Variants in JMY observed in about 807,000 individuals in gnomAD.
JMY encodes junction-mediating and -regulatory protein.
A neutral mutation model predicts 103.3 loss-of-function variants in JMY; 46 were observed. The observed-to-expected ratio is 0.45, with a 90% CI of 0.35 to 0.57. The LOEUF (loss-of-function observed/expected upper bound fraction) is 0.57. Among genes scored for constraint, JMY ranks in the 20% least tolerant of loss-of-function variants. The pLI is 0.00. For missense variants in JMY, 1,238 were observed against 1,255.2 expected, an observed-to-expected ratio of 0.99 and a Z score of 0.21; for synonymous variants, 526 against 489.3, an observed-to-expected ratio of 1.07 and a Z score of -0.99.
Position 79,293,893 on chromosome 5 carries a change from A to T in JMY, c.1527+2594A>T, listed in dbSNP as rs541907846. Among the ~76,000 whole-genome samples, 3 of 131,516 alleles carry T rather than the reference A, an allele frequency of 2.3e-5. No individual in the cohort carries two copies. The East Asian group carries it at 7.5e-4, about 33-fold the overall frequency. 86.3% of individuals were successfully genotyped at this position (131,516 alleles called of 152,430 possible). On this transcript the variant is annotated intron_variant, in intron 4 of 10. Coordinates refer to ENST00000396137, the MANE Select transcript of JMY (RefSeq NM_152405.5). ...AATAATAGCATAATCTGACCATGCAAGTAAGTCTTTATTTTCAGTTCTATA... is the reference window on the plus strand; with the variant it reads ...AATAATAGCATAATCTGACCATGCATGTAAGTCTTTATTTTCAGTTCTATA...
At position 79,236,793 on chromosome 5, in the gene JMY, A is replaced by C; in HGVS notation, c.143A>C (p.Asn48Thr). 1 of 1,509,718 alleles carries C rather than the reference A, an allele frequency of 6.6e-7. No homozygotes were observed. Among genetic ancestry groups the C allele is most frequent in the Non-Finnish European group, 8.9e-7 (1 of 1,127,492 alleles). 93.5% of individuals were successfully genotyped at this position (1,509,718 alleles called of 1,614,324 possible). The change falls in exon 1 of 11, where the codon AAC (asparagine) becomes ACC (threonine). Residue 48 changes from asparagine to threonine, a missense_variant. Coordinates refer to ENST00000396137, the MANE Select transcript of JMY (RefSeq NM_152405.5). ...IEGKFAITCHNRTAQRQRSGS... is the reference protein window; with the variant it reads ...IEGKFAITCHTRTAQRQRSGS... The stretch of plus-strand genomic sequence containing the variant: ...GGCAAGTTTGCCATAACCTGCCACA[A>C]CCGGACGGCCCAGAGGCAGAGGAGC...
intron 1 of JMY, among the ~76,000 whole-genome samples, chr5:79,267,471 G>C (rs1745618140): frequency 8.4e-6 from 1 of 119,108 alleles, no homozygotes. Context: ...ATGTTATGTA[G>C]TTGGAATCAT....
intron 10 of JMY, among the ~76,000 whole-genome samples, chr5:79,318,631 T>TA (rs1298650375): frequency 6.6e-6 from 1 of 152,152 alleles, no homozygotes; most frequent in Non-Finnish European, 1.5e-5. Context: ...TTTTTCCTAT[T>TA]ATGTATACAG....
intron 6 of JMY, among the ~76,000 whole-genome samples, chr5:79,302,083 C>CAAAA (rs33983370): frequency 4.9e-5 from 5 of 102,548 alleles, no homozygotes; most frequent in East Asian, 3.0e-4. Flanking sequence ...AACTCCGTCT[C>CAAAA]AAAAAAAAAA....
intron 6 of JMY, among the ~76,000 whole-genome samples, chr5:79,301,966 C>G (rs551320908): frequency 1.4e-4 from 22 of 151,842 alleles, no homozygotes; most frequent in Non-Finnish European, 2.6e-4. Flanking sequence ...GCCTGTAATC[C>G]CAGCTACTCG....
chr5:79,269,496 G>C (rs1015561265), intron 1 of JMY, among the ~76,000 whole-genome samples: 1 of 152,054 alleles, frequency 6.6e-6, no homozygotes, highest in Non-Finnish European at 1.5e-5. Flanking sequence ...TTTTGATTAG[G>C]ATTGCATTGA....
intron 4 of JMY, among the ~76,000 whole-genome samples, chr5:79,297,943 T>A (rs558357382): frequency 1.3e-5 from 2 of 152,336 alleles, no homozygotes; most frequent in East Asian, 3.9e-4. Flanking sequence ...CTGGTAGCAC[T>A]GCGCTTCTCA....
Position 79,236,615 on chromosome 5 carries a change from G to C in JMY, c.-36G>C, listed in dbSNP as rs1353926328. 3 of 1,349,424 alleles carry C rather than the reference G, an allele frequency of 2.2e-6. No homozygotes were observed. The highest frequency in any genetic ancestry group is 2.9e-6 in the Non-Finnish European group (3 of 1,037,978). 83.6% of individuals were successfully genotyped at this position (1,349,424 alleles called of 1,614,324 possible). A position where few individuals can be genotyped will look rare whatever the true frequency, so the allele number is the denominator to read the frequency against. On this transcript the variant is annotated 5_prime_UTR_variant, in exon 1 of 11. Transcript: ENST00000396137. Reference sequence around the variant, plus strand: ...GGGGAGTCCTCGGGCGGGCCGGGCCGGCGGCCCTTCCCCGCGGCGAGAAGC... The same window carrying C: ...GGGGAGTCCTCGGGCGGGCCGGGCCCGCGGCCCTTCCCCGCGGCGAGAAGC...
At chr5:79,291,367 G>A (rs1746420812) in intron 4 of JMY, 68 bp downstream of exon 4, 1 of 1,398,140 alleles carries the variant, frequency 7.2e-7, no homozygotes, top group Non-Finnish European at 9.6e-7. Context: ...CTTTGCACAA[G>A]ACATTTTTTT....
chr5:79,247,689 G>A (rs962302256), intron 1 of JMY, among the ~76,000 whole-genome samples: 6 of 151,526 alleles, frequency 4.0e-5, no homozygotes, highest in Admixed American at 6.6e-5. Flanking sequence ...GTCTTGCTCT[G>A]TTGCCCAGGA....
chr5:79,318,817 T>A, intron 10 of JMY, among the ~76,000 whole-genome samples: 1 of 150,412 alleles, frequency 6.6e-6, no homozygotes. Flanking sequence ...TGCATATCAG[T>A]TTGTGAATGT....
At chr5:79,315,451 A>C (rs1180621444) in intron 9 of JMY, among the ~76,000 whole-genome samples, 1 of 152,184 alleles carries the variant, frequency 6.6e-6, no homozygotes, top group Non-Finnish European at 1.5e-5. Context: ...GCCTTTAAGG[A>C]ATTTGCATTT....
intron 1 of JMY, 125 bp downstream of exon 1, chr5:79,237,807 C>A: frequency 1.3e-6 from 1 of 781,096 alleles, no homozygotes; most frequent in Non-Finnish European, 2.0e-6. Flanking sequence ...CAAGCGGAAA[C>A]CAAGAGGGGT....
At chr5:79,272,975 C>A (rs74594839) in intron 1 of JMY, among the ~76,000 whole-genome samples, 14 of 152,288 alleles carry the variant, frequency 9.2e-5, no homozygotes, top group African/African-American at 2.6e-4. Flanking sequence ...TGTATAGATT[C>A]ATCTCTAACC....
intron 1 of JMY, among the ~76,000 whole-genome samples, chr5:79,271,845 C>G (rs926606835): frequency 6.6e-6 from 1 of 152,068 alleles, no homozygotes; most frequent in African/African-American, 2.4e-5. Context: ...CAGTGGCTCA[C>G]GCCTGTAATC....
chr5:79,314,578 T>A lies in JMY; in HGVS notation c.2386T>A (p.Cys796Ser). The A allele has an allele frequency of 6.2e-7, 1 of 1,614,124 alleles. No homozygotes were observed. ...LPLLNNNLEPCSVTINPLPSP... is the reference protein window; with the variant it reads ...LPLLNNNLEPSSVTINPLPSP... ...ACTTTTGAATAACAACCTCGAACCA[T>A]GTTCTGTTACCATAAATCCACTCCC... The change falls in exon 9 of 11, where the codon TGT (cysteine) becomes AGT (serine). Residue 796 changes from cysteine to serine, a missense_variant. Coordinates refer to ENST00000396137, the MANE Select transcript of JMY (RefSeq NM_152405.5).
intron 6 of JMY, among the ~76,000 whole-genome samples, chr5:79,301,273 T>G (rs1373770859): frequency 1.3e-5 from 2 of 152,224 alleles, no homozygotes; most frequent in Non-Finnish European, 2.9e-5. Flanking sequence ...TGACTCATTT[T>G]GTGGAAATGT....
At chr5:79,286,456 C>A (rs551117992) in intron 2 of JMY, among the ~76,000 whole-genome samples, 31 of 152,198 alleles carry the variant, frequency 2.0e-4, no homozygotes, top group South Asian at 1.7e-3. Context: ...GCCTGGCCAA[C>A]GTCGTGAAAC....
chr5:79,280,530 A>T (rs1746074837), intron 2 of JMY, among the ~76,000 whole-genome samples: 1 of 152,164 alleles, frequency 6.6e-6, no homozygotes, highest in Non-Finnish European at 1.5e-5. Flanking sequence ...TTTCTAAGAC[A>T]TTGAGAAAAT....
Sources: allele counts gnomAD v4.1 joint callset (sites outside exome capture counted in the v4.1 genomes callset), GRCh38; gene constraint gnomAD v4.1.1; transcripts MANE v1.5; gene names NCBI Gene and HGNC (gene_info 2026-07-23, HGNC 2026-07-21).